Variants in NMT1 observed in about 807,000 individuals in gnomAD.
NMT1 encodes the protein N-myristoyltransferase 1.
In NMT1, 12 loss-of-function variants were observed where a neutral mutation model predicts 63.4. The ratio of observed to expected loss-of-function variants is 0.19; its 90% CI spans 0.12 to 0.31. NMT1 has a LOEUF of 0.31. NMT1 is among the 10% of genes least tolerant of loss of function. The probability of loss-of-function intolerance (pLI) is 1.00; values close to 1 mark genes in which losing one functional copy is unlikely to be tolerated. For synonymous variants in NMT1, 228 were observed against 234.3 expected, an observed-to-expected ratio of 0.97 and a Z score of 0.25; for missense variants, 432 against 634.6, an observed-to-expected ratio of 0.68 and a Z score of 3.43.
At chr17:45,086,739 T>G in intron 3 of NMT1, 87 bp downstream of exon 3, 1 of 1,407,432 alleles carries the variant, frequency 7.1e-7, no homozygotes, top group Middle Eastern at 2.4e-4. Flanking sequence ...GCTGAATTAC[T>G]GTAGGGAGGG....
In NMT1 at chr17:45,061,418, G is replaced by A. The variant is rs764495116; in HGVS notation, c.89G>A (p.Cys30Tyr). The A allele has an allele frequency of 1.2e-6, 2 of 1,613,864 alleles. No homozygotes were observed. Among genetic ancestry groups the A allele is most frequent in the East Asian group, 2.2e-5 (1 of 44,886 alleles). Reference protein sequence around the residue: ...MEGNGNGHEHCSDCENEEDNS... With the variant: ...MEGNGNGHEHYSDCENEEDNS... ...GGGAACGGGAACGGCCATGAGCACT[G>A]CAGCGATTGCGAGAATGAGGAGGAC... The change falls in exon 1 of 12, where the codon TGC becomes TAC. Residue 30 changes from cysteine to tyrosine, a missense_variant. Cys to Tyr is a radical substitution (Grantham distance 194). Coordinates refer to ENST00000258960, the MANE Select transcript of NMT1 (RefSeq NM_021079.5).
intron 2 of NMT1, among the ~76,000 whole-genome samples, chr17:45,084,516 G>T (rs1192676622): frequency 6.6e-6 from 1 of 151,918 alleles, no homozygotes; most frequent in Non-Finnish European, 1.5e-5. Context: ...TGTATTTTTA[G>T]TAGGGACGGG....
intron 1 of NMT1, among the ~76,000 whole-genome samples, chr17:45,078,049 C>A (rs190899220): frequency 5.3e-5 from 8 of 152,240 alleles, no homozygotes; most frequent in African/African-American, 1.9e-4. Flanking sequence ...ACTAAAGGAA[C>A]CTTCAGACTT....
At chr17:45,081,013 C>G (rs748098569) in intron 1 of NMT1, among the ~76,000 whole-genome samples, 1 of 152,210 alleles carries the variant, frequency 6.6e-6, no homozygotes, top group Non-Finnish European at 1.5e-5. Context: ...AGTGATCCAC[C>G]TGCCTCGGCC....
chr17:45,102,306 A>G (rs9912363), intron 8 of NMT1, among the ~76,000 whole-genome samples: 19,715 of 152,230 alleles, frequency 0.13, 1,538 homozygotes, highest in East Asian at 0.27. Flanking sequence ...TATTTGCTCC[A>G]CAGGATCACA....
In NMT1 at chr17:45,105,139, G is replaced by C; in HGVS notation, c.1470+143G>C. Reference sequence around the variant, plus strand: ...GAACCTTTGAAAATGCCCTCCCTCTGCTGGCCAGACCAGCAGGTCAGCGTT... The same window carrying C: ...GAACCTTTGAAAATGCCCTCCCTCTCCTGGCCAGACCAGCAGGTCAGCGTT... On this transcript the variant is annotated intron_variant, in intron 11 of 11. Transcript: ENST00000258960. The surrounding 1 kb of genome is among the most constrained non-coding windows in gnomAD (Gnocchi z 4.2). 1 of 1,090,422 alleles carries C rather than the reference G, an allele frequency of 9.2e-7. No individual in the cohort carries two copies. Among genetic ancestry groups the C allele is most frequent in the Non-Finnish European group, 1.3e-6 (1 of 762,766 alleles). The allele number at this position is 1,090,422 out of a possible 1,614,324, so 67.5% of individuals were successfully genotyped here. A position where few individuals can be genotyped will look rare whatever the true frequency, so the allele number is the denominator to read the frequency against.
chr17:45,063,075 G>C (rs774213655), intron 1 of NMT1, among the ~76,000 whole-genome samples: 6 of 151,706 alleles, frequency 4.0e-5, no homozygotes, highest in Non-Finnish European at 8.8e-5. Flanking sequence ...CGTGGTGGCG[G>C]GCGCCTGTAG....
intron 3 of NMT1, among the ~76,000 whole-genome samples, chr17:45,092,484 G>A (rs2054094843): frequency 6.6e-6 from 1 of 151,820 alleles, no homozygotes; most frequent in South Asian, 2.1e-4. Flanking sequence ...GATCACTTGA[G>A]GCCAGGGGTT....
At chr17:45,091,192 A>T (rs902731730) in intron 3 of NMT1, among the ~76,000 whole-genome samples, 1 of 101,032 alleles carries the variant, frequency 9.9e-6, no homozygotes, top group Non-Finnish European at 1.9e-5. Flanking sequence ...TTCCTGACAC[A>T]CACACACACA....
intron 1 of NMT1, among the ~76,000 whole-genome samples, chr17:45,078,589 A>G (rs1275661466): frequency 5.9e-5 from 9 of 152,150 alleles, no homozygotes; most frequent in Admixed American, 5.9e-4. Context: ...TATAAATTGT[A>G]TTTAACATAA....
At chr17:45,061,521 G>C in intron 1 of NMT1, 61 bp downstream of exon 1, 1 of 1,514,288 alleles carries the variant, frequency 6.6e-7, no homozygotes, top group Non-Finnish European at 9.0e-7. Context: ...TCTCTGGGGT[G>C]CGGGGAAGTC....
chr17:45,079,990 G>T (rs971982345), intron 1 of NMT1, among the ~76,000 whole-genome samples: 16 of 151,872 alleles, frequency 1.1e-4, no homozygotes, highest in African/African-American at 3.9e-4. Flanking sequence ...GAGCCACTGC[G>T]CCCGGCCACA....
In NMT1 at chr17:45,108,011, C is replaced by A; in HGVS notation, c.*2372C>A. The A allele has an allele frequency of 6.6e-6, 1 of 152,414 alleles. No homozygotes were observed. Among genetic ancestry groups the A allele is most frequent in the Non-Finnish European group, 1.5e-5 (1 of 68,076 alleles). 9.4% of individuals were successfully genotyped at this position (152,414 alleles called of 1,614,324 possible). A position where few individuals can be genotyped will look rare whatever the true frequency, so the allele number is the denominator to read the frequency against. ...GTTCTTCATTCAACCCCTTCTGGGA[C>A]TTCAGCTCAGAGAGCACCATCCCGG... On this transcript the variant is annotated 3_prime_UTR_variant, in exon 12 of 12. Transcript: ENST00000258960.
Position 45,104,391 on chromosome 17 carries a change from T to C in NMT1, c.1333-468T>C. ...TCCAGTTGGTGAGGTTTAGGAAGCA[T>C]CTTCACAGTCTCCAAGCAACACAGC... On this transcript the variant is annotated intron_variant, in intron 10 of 11. Transcript: ENST00000258960. The surrounding 1 kb of genome is among the most constrained non-coding windows in gnomAD (Gnocchi z 4.2). 8.9e-7 allele frequency: 1 copy of C among 1,122,958 alleles called. No individual in the cohort carries two copies. The highest frequency in any genetic ancestry group is 1.1e-6 in the Non-Finnish European group (1 of 911,522). The allele number at this position is 1,122,958 out of a possible 1,614,324, so 69.6% of individuals were successfully genotyped here. A position where few individuals can be genotyped will look rare whatever the true frequency, so the allele number is the denominator to read the frequency against.
chr17:45,103,184 G>A lies in NMT1; in HGVS notation c.1164+63G>A. The A allele has an allele frequency of 1.3e-6, 2 of 1,522,508 alleles. No homozygotes were observed. The highest frequency in any genetic ancestry group is 9.0e-7 in the Non-Finnish European group (1 of 1,113,006). The allele number at this position is 1,522,508 out of a possible 1,614,324, so 94.3% of individuals were successfully genotyped here. A position where few individuals can be genotyped will look rare whatever the true frequency, so the allele number is the denominator to read the frequency against. On this transcript the variant is annotated intron_variant, in intron 9 of 11. Coordinates refer to ENST00000258960, the MANE Select transcript of NMT1 (RefSeq NM_021079.5). The surrounding 1 kb of genome is among the most constrained non-coding windows in gnomAD (Gnocchi z 4.8). ...TCCCAGAGAGGCACCCCCCTGAGTG[G>A]CCGGGTTCCCAGGGCTCGAGTGTTG... is the stretch of plus-strand genomic sequence containing the variant.
At chr17:45,098,683 GGT>G in intron 7 of NMT1, 131 bp downstream of exon 7, 1 of 796,428 alleles carries the variant, frequency 1.3e-6, no homozygotes, top group South Asian at 1.7e-5. Context: ...GCGGGCACTT[GGT>G]GCCTGCAGGA....
chr17:45,070,172 C>T (rs2053930509), intron 1 of NMT1, among the ~76,000 whole-genome samples: 4 of 152,088 alleles, frequency 2.6e-5, no homozygotes, highest in Non-Finnish European at 2.9e-5. Flanking sequence ...CAGGGAGGGC[C>T]GAGGGTGGCA....
At chr17:45,079,599 A>G (rs957825170) in intron 1 of NMT1, among the ~76,000 whole-genome samples, 12 of 152,230 alleles carry the variant, frequency 7.9e-5, no homozygotes, top group African/African-American at 4.8e-5. Context: ...TGCTTCATTC[A>G]TGGGGTGTGT....
Position 45,104,796 on chromosome 17 carries a change from G to A in NMT1, c.1333-63G>A, listed in dbSNP as rs966482711. The A allele has an allele frequency of 5.8e-5, 93 of 1,600,964 alleles. No homozygotes were observed. In the Middle Eastern group the frequency reaches 1.0e-3, roughly 17 times the overall value. Reference sequence around the variant, plus strand: ...GACAGCTTTGAAATGGCAGCAAAGGGGTAGGAAGGAGGCTGTCCCCACCTG... The same window carrying A: ...GACAGCTTTGAAATGGCAGCAAAGGAGTAGGAAGGAGGCTGTCCCCACCTG... On this transcript the variant is annotated intron_variant, in intron 10 of 11. Transcript: ENST00000258960. This position sits in a 1 kb window ranked among gnomAD's most constrained non-coding sequence, Gnocchi z 4.2.
Sources: allele counts gnomAD v4.1 joint callset (sites outside exome capture counted in the v4.1 genomes callset), GRCh38; gene constraint gnomAD v4.1.1; non-coding constraint Gnocchi (gnomAD v3.1); transcripts MANE v1.5; gene names NCBI Gene and HGNC (gene_info 2026-07-23, HGNC 2026-07-21).